SPDEF: variants seen among roughly 807,000 people sequenced by gnomAD.
SPDEF encodes the protein SAM pointed domain-containing Ets transcription factor.
Under a neutral mutation model 36.0 loss-of-function variants are expected in SPDEF, and 12 were observed. The ratio of observed to expected loss-of-function variants is 0.33; its 90% CI spans 0.21 to 0.54. SPDEF has a LOEUF of 0.54. Among genes scored for constraint, SPDEF ranks in the 20% least tolerant of loss-of-function variants. The probability of loss-of-function intolerance (pLI) is 0.93; values close to 1 mark genes in which losing one functional copy is unlikely to be tolerated. For missense variants in SPDEF, 388 were observed against 456.9 expected (o/e 0.85, Z 1.37); for synonymous variants, 205 against 193.0 (o/e 1.06, Z -0.51).
chr6:34,555,227 A>G lies in SPDEF; in HGVS notation c.-30+702T>C, dbSNP rs1476400332. 6.6e-6 allele frequency among the ~76,000 whole-genome samples: 1 copy of G among 151,386 alleles called. No individual in the cohort carries two copies. The highest frequency in any genetic ancestry group is 1.5e-5 in the Non-Finnish European group (1 of 67,862). Reference sequence around the variant, plus strand: ...ATCCCACCACCCACTTCCTCTCTCCACCGCAGAAATCTGGCAAATCTTAGA... The same window carrying G: ...ATCCCACCACCCACTTCCTCTCTCCGCCGCAGAAATCTGGCAAATCTTAGA... On this transcript the variant is annotated intron_variant, in intron 1 of 5. Transcript: ENST00000374037. This position sits in a 1 kb window ranked among gnomAD's most constrained non-coding sequence, Gnocchi z 5.2.
chr6:34,538,332 A>G lies in SPDEF; in HGVS notation c.950T>C (p.Ile317Thr). The part of the protein sequence containing the change: ...RSIRQYYKKG[I>T]IRKPDISQRL... ...CTGGGAGATGTCTGGCTTCCGGATG[A>G]TGCCCTTCTTGTAATACTGGCGGAT... Residue 317 changes from isoleucine to threonine, a missense_variant, in exon 6 of 6, where the codon ATC (isoleucine) becomes ACC (threonine). Physicochemically the swap from Ile to Thr is moderately conservative, Grantham distance 89 (BLOSUM62 -1). This residue lies in a region of SPDEF where 80 missense variants were observed against 130.8 expected (regional missense o/e 0.61). Coordinates refer to ENST00000374037, the MANE Select transcript of SPDEF (RefSeq NM_012391.3). This position sits in a 1 kb window ranked among gnomAD's most constrained non-coding sequence, Gnocchi z 5.9. 6.2e-7 allele frequency: 1 copy of G among 1,614,096 alleles called. No individual in the cohort carries two copies. The highest frequency in any genetic ancestry group is 1.1e-5 in the South Asian group (1 of 91,072).
chr6:34,542,918 G>C (rs887845094), intron 2 of SPDEF, among the ~76,000 whole-genome samples: 2 of 150,138 alleles, frequency 1.3e-5, no homozygotes, highest in African/African-American at 4.9e-5. Context: ...AAGAGGCTGG[G>C]CGCGGTGGCT....
chr6:34,538,259 C>T lies in SPDEF; in HGVS notation c.*15G>A, dbSNP rs369336049. 10 of 1,609,664 alleles carry T rather than the reference C, an allele frequency of 6.2e-6. No homozygotes were observed. Among genetic ancestry groups the T allele is most frequent in the Non-Finnish European group, 7.6e-6 (9 of 1,177,064 alleles). On this transcript the variant is annotated 3_prime_UTR_variant, in exon 6 of 6. Coordinates refer to ENST00000374037, the MANE Select transcript of SPDEF (RefSeq NM_012391.3). The surrounding 1 kb of genome is among the most constrained non-coding windows in gnomAD (Gnocchi z 5.9). ...GAGGCCCCTGAGGGCGGGTTTCAGG[C>T]CCTGGGCCAGGCACTCAGATGGGGT...
chr6:34,543,148 A>G (rs1219589267), intron 2 of SPDEF, among the ~76,000 whole-genome samples: 1 of 133,922 alleles, frequency 7.5e-6, no homozygotes, highest in Non-Finnish European at 1.6e-5. Context: ...GTGAGCCGAG[A>G]TTGCACCACT....
intron 1 of SPDEF, among the ~76,000 whole-genome samples, chr6:34,554,461 G>A (rs746776981): frequency 2.0e-5 from 3 of 152,202 alleles, no homozygotes; most frequent in Non-Finnish European, 2.9e-5. Flanking sequence ...TGTGCAATAA[G>A]CAAGTCTGGT....
intron 2 of SPDEF, 103 bp downstream of exon 2, chr6:34,543,917 C>T (rs1581999220): frequency 1.7e-6 from 2 of 1,163,208 alleles, no homozygotes. Context: ...GAGGCTGGGC[C>T]AGAGGTGGCC....
In SPDEF at chr6:34,539,630, G is replaced by C. The variant is rs1285139963; in HGVS notation, c.635-68C>G. 4.6e-6 allele frequency: 7 copies of C among 1,525,236 alleles called. No individual in the cohort carries two copies. Among genetic ancestry groups the C allele is most frequent in the Non-Finnish European group, 5.3e-6 (6 of 1,125,994 alleles). The allele number at this position is 1,525,236 out of a possible 1,614,324, so 94.5% of individuals were successfully genotyped here. ...CGAGGGTGGAGGAGGGGAGGCGTTTGGGTGGGACTGTGGGGCCACAGGAGC... is the reference window on the plus strand; with the variant it reads ...CGAGGGTGGAGGAGGGGAGGCGTTTCGGTGGGACTGTGGGGCCACAGGAGC... On this transcript the variant is annotated intron_variant, in intron 3 of 5. Coordinates refer to ENST00000374037, the MANE Select transcript of SPDEF (RefSeq NM_012391.3). This position sits in a 1 kb window ranked among gnomAD's most constrained non-coding sequence, Gnocchi z 5.2.
Position 34,555,678 on chromosome 6 carries a change from C to T in SPDEF, c.-30+251G>A, listed in dbSNP as rs1210756349. Among the ~76,000 whole-genome samples, 2 of 151,936 alleles carry T rather than the reference C, an allele frequency of 1.3e-5. No homozygotes were observed. The highest frequency in any genetic ancestry group is 2.4e-5 in the African/African-American group (1 of 41,378). ...GCAGACTGGGCTCAGTGTGGGGGAC[C>T]CCAGGCCTTGCCGGGCAAGGGGGCT... is the stretch of plus-strand genomic sequence containing the variant. On this transcript the variant is annotated intron_variant, in intron 1 of 5. Transcript: ENST00000374037. This position sits in a 1 kb window ranked among gnomAD's most constrained non-coding sequence, Gnocchi z 5.2.
rs770477022 is a variant in SPDEF, at chr6:34,544,475, G to A, written c.-20C>T. On this transcript the variant is annotated 5_prime_UTR_variant, in exon 2 of 6. Transcript: ENST00000374037. This position sits in a 1 kb window ranked among gnomAD's most constrained non-coding sequence, Gnocchi z 4.4. ...GCCCATGCCGCTGCTGTTTGGGCTG[G>A]CGGCTGTGTCTACGGAAATGAAAGA... is the stretch of plus-strand genomic sequence containing the variant. 4.6e-6 allele frequency: 7 copies of A among 1,520,074 alleles called. No homozygotes were observed. The highest frequency in any genetic ancestry group is 6.2e-6 in the Non-Finnish European group (7 of 1,136,190). 94.2% of individuals were successfully genotyped at this position (1,520,074 alleles called of 1,614,324 possible).
In SPDEF at chr6:34,539,675, G is replaced by A. The variant is rs1767777673; in HGVS notation, c.635-113C>T. 8.0e-7 allele frequency: 1 copy of A among 1,250,886 alleles called. No homozygotes were observed. The highest frequency in any genetic ancestry group is 2.0e-5 in the Admixed American group (1 of 50,116). 77.5% of individuals were successfully genotyped at this position (1,250,886 alleles called of 1,614,324 possible). On this transcript the variant is annotated intron_variant, in intron 3 of 5. Transcript: ENST00000374037. The surrounding 1 kb of genome is among the most constrained non-coding windows in gnomAD (Gnocchi z 5.2). Reference sequence around the variant, plus strand: ...AGGAGCCCCTCTGTGGCTGGGGGTTGCCCCTGTGGCTCCCTGCCTCCTGCC... The same window carrying A: ...AGGAGCCCCTCTGTGGCTGGGGGTTACCCCTGTGGCTCCCTGCCTCCTGCC...
At chr6:34,553,207 C>A (rs1768100266) in intron 1 of SPDEF, among the ~76,000 whole-genome samples, 1 of 152,172 alleles carries the variant, frequency 6.6e-6, no homozygotes, top group Admixed American at 6.5e-5. Context: ...TTCTACCCAC[C>A]CCCAACCCCG....
intron 1 of SPDEF, among the ~76,000 whole-genome samples, chr6:34,545,102 A>G (rs1373592099): frequency 6.6e-6 from 1 of 152,118 alleles, no homozygotes; most frequent in East Asian, 1.9e-4. Context: ...AGTAAACTCA[A>G]CACTCTCAAG....
Position 34,552,338 on chromosome 6 carries a change from G to A in SPDEF, c.-30+3591C>T, listed in dbSNP as rs1405446472. Among the ~76,000 whole-genome samples the A allele has an allele frequency of 1.3e-5, 2 of 152,220 alleles. No individual in the cohort carries two copies. Among genetic ancestry groups the A allele is most frequent in the Non-Finnish European group, 2.9e-5 (2 of 68,042 alleles). ...GGCATGAGAACACACGGATGTCACCGGAGCTCTGCTGCTCCTGCCTGAGGC... is the reference window on the plus strand; with the variant it reads ...GGCATGAGAACACACGGATGTCACCAGAGCTCTGCTGCTCCTGCCTGAGGC... On this transcript the variant is annotated intron_variant, in intron 1 of 5. Transcript: ENST00000374037. The surrounding 1 kb of genome is among the most constrained non-coding windows in gnomAD (Gnocchi z 4.6).
At chr6:34,543,807 T>C (rs1767880358) in intron 2 of SPDEF, among the ~76,000 whole-genome samples, 1 of 152,116 alleles carries the variant, frequency 6.6e-6, no homozygotes, top group Admixed American at 6.6e-5. Context: ...GTGGGGACCC[T>C]AGGCTGGCAT....
At chr6:34,542,564 C>A (rs908116584) in intron 2 of SPDEF, among the ~76,000 whole-genome samples, 1 of 152,236 alleles carries the variant, frequency 6.6e-6, no homozygotes, top group African/African-American at 2.4e-5. Flanking sequence ...CACTCAATTC[C>A]CCCGTCCTAG....
chr6:34,545,146 C>T (rs964732991), intron 1 of SPDEF, among the ~76,000 whole-genome samples: 2 of 152,210 alleles, frequency 1.3e-5, no homozygotes, highest in African/African-American at 4.8e-5. Context: ...AGGTGTGTGT[C>T]TCCCAATACC....
At chr6:34,542,526 A>G (rs2127284445) in intron 2 of SPDEF, among the ~76,000 whole-genome samples, 1 of 152,370 alleles carries the variant, frequency 6.6e-6, no homozygotes, top group East Asian at 1.9e-4. Context: ...TGTCAGCCCT[A>G]CGAACACAGG....
Position 34,552,708 on chromosome 6 carries a change from G to A in SPDEF, c.-30+3221C>T. 6.6e-6 allele frequency among the ~76,000 whole-genome samples: 1 copy of A among 152,228 alleles called. No individual in the cohort carries two copies. Among genetic ancestry groups the A allele is most frequent in the South Asian group, 2.1e-4 (1 of 4,832 alleles). On this transcript the variant is annotated intron_variant, in intron 1 of 5. Coordinates refer to ENST00000374037, the MANE Select transcript of SPDEF (RefSeq NM_012391.3). The surrounding 1 kb of genome is among the most constrained non-coding windows in gnomAD (Gnocchi z 4.6). ...TTGGAGAGGGGTGTTAGGACAAAGT[G>A]AAGGACTCCAACATCACAGATGAGA...
rs578019947 is a variant in SPDEF at position 34,555,723 on chromosome 6, G to T, written c.-30+206C>A. Among the ~76,000 whole-genome samples the T allele has an allele frequency of 6.6e-6, 1 of 152,290 alleles. No homozygotes were observed. The highest frequency in any genetic ancestry group is 2.1e-4 in the South Asian group (1 of 4,822). Reference sequence around the variant, plus strand: ...GGGGCTCACCCAGCATGTAGAGTTGGCCCAGAGAGGCAGTCTGGGGAGCAT... The same window carrying T: ...GGGGCTCACCCAGCATGTAGAGTTGTCCCAGAGAGGCAGTCTGGGGAGCAT... On this transcript the variant is annotated intron_variant, in intron 1 of 5. Transcript: ENST00000374037. The surrounding 1 kb of genome is among the most constrained non-coding windows in gnomAD (Gnocchi z 5.2).
Sources: allele counts gnomAD v4.1 joint callset (sites outside exome capture counted in the v4.1 genomes callset), GRCh38; gene constraint gnomAD v4.1.1; regional missense constraint gnomAD v4.1.1; non-coding constraint Gnocchi (gnomAD v3.1); transcripts MANE v1.5; gene names NCBI Gene and HGNC (gene_info 2026-07-23, HGNC 2026-07-21).